The following DNAJC14 variants were observed in gnomAD, a reference collection of about 807,000 sequenced individuals.
DNAJC14 encodes the protein DnaJ heat shock protein family (Hsp40) member C14.
In DNAJC14, 12 loss-of-function variants were observed where a neutral mutation model predicts 68.8. The observed-to-expected ratio is 0.17, with a 90% CI of 0.11 to 0.28. The LOEUF is 0.28. Among genes scored for constraint, DNAJC14 ranks in the 10% least tolerant of loss-of-function variants. The pLI, the probability that DNAJC14 is intolerant of heterozygous loss-of-function variation, is 1.00. For synonymous variants in DNAJC14, 350 were observed against 321.5 expected, an observed-to-expected ratio of 1.09 and a Z score of -0.95; for missense variants, 764 against 875.6, an observed-to-expected ratio of 0.87 and a Z score of 1.61.
At chr12:55,829,880 T>C (rs1484275974), upstream of DNAJC14, 1 of 152,368 alleles carries the variant, frequency 6.6e-6, no homozygotes, top group Non-Finnish European at 1.5e-5. Flanking sequence ...TCAGGATTGC[T>C]CTGGGTGTAT....
At chr12:55,826,062 T>TA (rs941027169) in intron 2 of DNAJC14, among the ~76,000 whole-genome samples, 13 of 148,016 alleles carry the variant, frequency 8.8e-5, no homozygotes, top group South Asian at 2.1e-4. Flanking sequence ...ACCCCATGTT[T>TA]AAAAAAAAAA....
Position 55,822,417 on chromosome 12 carries a change from G to A in DNAJC14, c.1854C>T (p.His618=). 1 of 1,613,556 alleles carries A rather than the reference G, an allele frequency of 6.2e-7. No individual in the cohort carries two copies. Among genetic ancestry groups the A allele is most frequent in the South Asian group, 1.1e-5 (1 of 91,036 alleles). The change falls in exon 6 of 7, where the codon CAC becomes CAT. Residue 618 remains histidine (H), a synonymous_variant. Coordinates refer to ENST00000678005, the MANE Select transcript of DNAJC14 (RefSeq NM_032364.6). ...ISPDTHRVPY[H]ISFGSRIPGT... is the part of the protein sequence containing the mutation. ...CTGGAATCCGAGAACCAAATGAGAT[G>A]TGATAGGGGACTCTGTGGGTATCTG...
chr12:55,830,368 C>T (rs189534264), upstream of DNAJC14: 2 of 152,520 alleles, frequency 1.3e-5, no homozygotes, highest in East Asian at 3.9e-4. Flanking sequence ...CCCGCCCCCA[C>T]GTAGACCCAG....
rs1880849326 is a variant in DNAJC14 at position 55,828,000 on chromosome 12, C to T, written c.659G>A (p.Arg220Gln). 6.2e-7 allele frequency: 1 copy of T among 1,613,358 alleles called. No individual in the cohort carries two copies. Among genetic ancestry groups the T allele is most frequent in the African/African-American group, 1.3e-5 (1 of 75,070 alleles). ...GGRRDPRSPG[R>Q]HRLGRKRSQA... is the part of the protein sequence containing the mutation. ...ACTTCGTTTCCGACCCAGCCGATGT[C>T]GACCAGGGGACCTGGGATCCCTACG... is the stretch of plus-strand genomic sequence containing the variant. The change falls in exon 2 of 7, where the codon CGA (arginine) becomes CAA (glutamine). Residue 220 changes from arginine (R) to glutamine (Q), a missense_variant. Around this residue, in one of 4 missense-constraint regions of DNAJC14, gnomAD observed 514 missense variants for 521.7 expected, o/e 0.99. Coordinates refer to ENST00000678005, the MANE Select transcript of DNAJC14 (RefSeq NM_032364.6).
At position 55,827,926 on chromosome 12, in the gene DNAJC14, A is replaced by G. The variant is rs1473389439; in HGVS notation, c.733T>C (p.Cys245Arg). 3 of 1,606,568 alleles carry G rather than the reference A, an allele frequency of 1.9e-6. No individual in the cohort carries two copies. Among genetic ancestry groups the G allele is most frequent in the Non-Finnish European group, 2.6e-6 (3 of 1,174,838 alleles). The change falls in exon 2 of 7, where the codon TGT (cysteine) becomes CGT (arginine). Residue 245 changes from cysteine (C) to arginine (R), a missense_variant. Around this residue, in one of 4 missense-constraint regions of DNAJC14, gnomAD observed 514 missense variants for 521.7 expected, o/e 0.99. Coordinates refer to ENST00000678005, the MANE Select transcript of DNAJC14 (RefSeq NM_032364.6). ...GLGLWGAEEL[C>R]QLGQAGFWWL... is the part of the protein sequence containing the mutation. ...CAAAAGCCTGCCTGTCCAAGTTGAC[A>G]TAGTTCCTCGGCTCCCCACAATCCC...
chr12:55,827,394 C>T lies in DNAJC14; in HGVS notation c.1265G>A (p.Cys422Tyr), dbSNP rs1377256204. 2.5e-6 allele frequency: 4 copies of T among 1,613,506 alleles called. No homozygotes were observed. The Admixed American group carries it at 6.7e-5, about 27-fold the overall frequency. Residue 422 changes from cysteine (C) to tyrosine (Y), a missense_variant, in exon 2 of 7, where the codon TGC (cysteine) becomes TAC (tyrosine). By Grantham distance (194) the Cys-to-Tyr change is radical (BLOSUM62 -2). This residue lies in a region of DNAJC14 where 514 missense variants were observed against 521.7 expected (regional missense o/e 0.99). Coordinates refer to ENST00000678005, the MANE Select transcript of DNAJC14 (RefSeq NM_032364.6). ...TCGAGCCACTTCCTCTTCAGGCTGG[C>T]AGTAGCGCCCACTAGCTACAGGTGC... ...GNAPVASGRY[C>Y]QPEEEVARLL...
intron 1 of DNAJC14, 140 bp from the exon 2 acceptor site, chr12:55,828,854 T>A: frequency 8.5e-7 from 1 of 1,172,092 alleles, no homozygotes; most frequent in Non-Finnish European, 1.1e-6. Context: ...TTCCTAGCAA[T>A]AAGCCAAAAC....
At chr12:55,826,115 CTGAA>C (rs1880788302) in intron 2 of DNAJC14, among the ~76,000 whole-genome samples, 1 of 152,022 alleles carries the variant, frequency 6.6e-6, no homozygotes, top group African/African-American at 2.4e-5. Context: ...GAGGTGCTCT[CTGAA>C]TAGGTCTTTT....
At position 55,828,427 on chromosome 12, in the gene DNAJC14, G is replaced by A. The variant is rs753516257; in HGVS notation, c.232C>T (p.Pro78Ser). 1 of 1,614,066 alleles carries A rather than the reference G, an allele frequency of 6.2e-7. No homozygotes were observed. Among genetic ancestry groups the A allele is most frequent in the South Asian group, 1.1e-5 (1 of 91,074 alleles). Residue 78 changes from proline (P) to serine (S), a missense_variant, in exon 2 of 7, where the codon CCA (proline) becomes TCA (serine). Coordinates refer to ENST00000678005, the MANE Select transcript of DNAJC14 (RefSeq NM_032364.6). ...AHWLDPSHGP[P>S]GGPGPPRDAE... ...TCTCTAGGTGGTCCTGGACCCCCTG[G>A]GGGGCCATGGCTTGGGTCCAACCAA...
chr12:55,828,347 G>T lies in DNAJC14; in HGVS notation c.312C>A (p.Asp104Glu), dbSNP rs1430170358. The change falls in exon 2 of 7, where the codon GAC (aspartate) becomes GAA (glutamate). Residue 104 changes from aspartate to glutamate, a missense_variant. This residue lies in a region of DNAJC14 where 514 missense variants were observed against 521.7 expected (regional missense o/e 0.99). Coordinates refer to ENST00000678005, the MANE Select transcript of DNAJC14 (RefSeq NM_032364.6). The stretch of plus-strand genomic sequence containing the variant: ...TCTCGTTTTCTTTTGAGAGTTCCTG[G>T]TCCACTCCTGATTCTTCTTCTGAAG... ...ETSSEEESGVDQELSKENETG... is the reference protein window; with the variant it reads ...ETSSEEESGVEQELSKENETG... The T allele has an allele frequency of 1.2e-6, 2 of 1,613,966 alleles. No homozygotes were observed. The highest frequency in any genetic ancestry group is 1.7e-5 in the Admixed American group (1 of 59,980).
chr12:55,828,673 C>T lies in DNAJC14; in HGVS notation c.-15G>A. 6.2e-7 allele frequency: 1 copy of T among 1,605,474 alleles called. No individual in the cohort carries two copies. The highest frequency in any genetic ancestry group is 8.5e-7 in the Non-Finnish European group (1 of 1,174,848). On this transcript the variant is annotated 5_prime_UTR_variant, in exon 2 of 7. Coordinates refer to ENST00000678005, the MANE Select transcript of DNAJC14 (RefSeq NM_032364.6). ...TTCTGGGCCATGACCCCGGGGCTTCCTGAGGGTCTTAGGTCACAGCCATCA... is the reference window on the plus strand; with the variant it reads ...TTCTGGGCCATGACCCCGGGGCTTCTTGAGGGTCTTAGGTCACAGCCATCA...
At position 55,827,762 on chromosome 12, in the gene DNAJC14, C is replaced by T. The variant is rs371863692; in HGVS notation, c.897G>A (p.Gly299=). Residue 299 remains glycine (G), a synonymous_variant, in exon 2 of 7, where the codon GGG becomes GGA. Coordinates refer to ENST00000678005, the MANE Select transcript of DNAJC14 (RefSeq NM_032364.6). The part of the protein sequence containing the change: ...VWMGVWTGRL[G]GWAQVMFQFL... ...ACTGAAACATGACCTGGGCCCAGCC[C>T]CCTAACCGCCCTGTCCACACTCCCA... The T allele has an allele frequency of 3.6e-5, 58 of 1,613,862 alleles. No homozygotes were observed. Among genetic ancestry groups the T allele is most frequent in the Non-Finnish European group, 4.7e-5 (55 of 1,179,954 alleles).
chr12:55,828,138 T>A lies in DNAJC14; in HGVS notation c.521A>T (p.Glu174Val). 1 of 1,609,144 alleles carries A rather than the reference T, an allele frequency of 6.2e-7. No homozygotes were observed. Among genetic ancestry groups the A allele is most frequent in the Non-Finnish European group, 8.5e-7 (1 of 1,177,474 alleles). The change falls in exon 2 of 7, where the codon GAA becomes GTA. Residue 174 changes from glutamate to valine, a missense_variant. This residue lies in a region of DNAJC14 where 514 missense variants were observed against 521.7 expected (regional missense o/e 0.99). Transcript: ENST00000678005. ...ATCACTGGGGAACTTGAGAGATTCTTCATCATCATATTCCTCTTCCAACTC... is the reference window on the plus strand; with the variant it reads ...ATCACTGGGGAACTTGAGAGATTCTACATCATCATATTCCTCTTCCAACTC... ...EDELEEEYDD[E>V]ESLKFPSDFS...
upstream of DNAJC14, chr12:55,829,769 G>A: frequency 4.3e-6 from 1 of 232,516 alleles, no homozygotes; most frequent in Non-Finnish European, 7.1e-6. Context: ...CCATTTAAAG[G>A]CCCCTCCCTC....
chr12:55,823,901 A>G (rs1004335972), intron 2 of DNAJC14, among the ~76,000 whole-genome samples: 30 of 148,746 alleles, frequency 2.0e-4, no homozygotes, highest in Non-Finnish European at 4.0e-4. Context: ...ACGGGGTTTC[A>G]TCTAGTTGGC....
At chr12:55,826,271 C>CTTTTTTTTTTTTTTTTTTTTTT (rs1164806475) in intron 2 of DNAJC14, among the ~76,000 whole-genome samples, 1 of 85,798 alleles carries the variant, frequency 1.2e-5, no homozygotes, top group African/African-American at 4.9e-5. Context: ...GGGAAAATAT[C>CTTTTTTTTTTTTTTTTTTTTTT]TTTTTTTTTT....
rs746662544 is a variant in DNAJC14, at chr12:55,822,081, G to A, written c.2005C>T (p.Pro669Ser). The change falls in exon 7 of 7, where the codon CCT becomes TCT. Residue 669 changes from proline to serine, a missense_variant. This residue lies in a region of DNAJC14 where 134 missense variants were observed against 162.3 expected (regional missense o/e 0.83). Coordinates refer to ENST00000678005, the MANE Select transcript of DNAJC14 (RefSeq NM_032364.6). Reference sequence around the variant, plus strand: ...GAGGCTGCAGCGGCTCCAGGGGCAGGCTGAGGAGCTGCAAAGAAGTTCCCA... The same window carrying A: ...GAGGCTGCAGCGGCTCCAGGGGCAGACTGAGGAGCTGCAAAGAAGTTCCCA... The part of the protein sequence containing the change: ...PNGNFFAAPQ[P>S]APGAAAASKP... 1 of 1,614,120 alleles carries A rather than the reference G, an allele frequency of 6.2e-7. No individual in the cohort carries two copies. Among genetic ancestry groups the A allele is most frequent in the East Asian group, 2.2e-5 (1 of 44,884 alleles).
In DNAJC14 at chr12:55,822,407, C is replaced by T; in HGVS notation, c.1864G>A (p.Gly622Ser). 1 of 1,613,300 alleles carries T rather than the reference C, an allele frequency of 6.2e-7. No homozygotes were observed. Among genetic ancestry groups the T allele is most frequent in the Non-Finnish European group, 8.5e-7 (1 of 1,180,014 alleles). ...THRVPYHISFGSRIPGTRGRQ... is the reference protein window; with the variant it reads ...THRVPYHISFSSRIPGTRGRQ... The stretch of plus-strand genomic sequence containing the variant: ...CCTCTGGTGCCTGGAATCCGAGAAC[C>T]AAATGAGATGTGATAGGGGACTCTG... Residue 622 changes from glycine to serine, a missense_variant, in exon 6 of 7, where the codon GGT becomes AGT. By Grantham distance (56) the Gly-to-Ser change is moderately conservative (BLOSUM62 0). Around this residue, in one of 4 missense-constraint regions of DNAJC14, gnomAD observed 134 missense variants for 162.3 expected, o/e 0.83. Coordinates refer to ENST00000678005, the MANE Select transcript of DNAJC14 (RefSeq NM_032364.6).
chr12:55,829,313 C>G (rs1880902447), intron 1 of DNAJC14, 176 bp downstream of exon 1: 1 of 881,244 alleles, frequency 1.1e-6, no homozygotes. Flanking sequence ...GGCGTGGTGG[C>G]GCGCACCTGT....
Sources: gnomAD v4.1 joint callset for allele counts (sites outside exome capture counted in the v4.1 genomes callset) on GRCh38, gnomAD v4.1.1 for gene constraint, gnomAD v4.1.1 regional missense constraint, MANE v1.5 for transcripts, NCBI Gene and HGNC (gene_info 2026-07-23, HGNC 2026-07-21) for gene names.